The following BTBD10 variants were observed in gnomAD, a reference collection of about 807,000 sequenced individuals.
BTBD10 encodes BTB/POZ domain-containing protein 10.
In BTBD10, 21 loss-of-function variants were observed where a neutral mutation model predicts 53.2. That is an observed-to-expected ratio of 0.39 (90% CI 0.28 to 0.57). The LOEUF (loss-of-function observed/expected upper bound fraction) is 0.57. BTBD10 is among the 20% of genes least tolerant of loss of function. The pLI is 0.53. For synonymous variants in BTBD10, 149 were observed against 192.7 expected (o/e 0.77, Z 1.88); for missense variants, 360 against 594.7 (o/e 0.61, Z 4.10).
At chr11:13,446,521 T>C (rs535541143) in intron 1 of BTBD10, among the ~76,000 whole-genome samples, 5 of 152,216 alleles carry the variant, frequency 3.3e-5, no homozygotes, top group Middle Eastern at 6.8e-3. Flanking sequence ...ATATAATAAA[T>C]ACATAAATAA....
chr11:13,435,657 T>C (rs1342306946), intron 2 of BTBD10, among the ~76,000 whole-genome samples: 1 of 152,144 alleles, frequency 6.6e-6, no homozygotes, highest in Non-Finnish European at 1.5e-5. Context: ...CACACCTGGC[T>C]AATTTTTTGT....
At chr11:13,449,590 C>A (rs1056133667) in intron 1 of BTBD10, among the ~76,000 whole-genome samples, 2 of 152,254 alleles carry the variant, frequency 1.3e-5, no homozygotes, top group South Asian at 2.1e-4. Context: ...TAAAATCTTA[C>A]TCTTAGTCCA....
rs927729709 is a variant in BTBD10, at chr11:13,434,955, C to T, written c.101+10069G>A. Among the ~76,000 whole-genome samples, 3 of 152,308 alleles carry T rather than the reference C, an allele frequency of 2.0e-5. No homozygotes were observed. The East Asian group carries it at 5.8e-4, about 29-fold the overall frequency. Reference sequence around the variant, plus strand: ...ACTGGAAGAATGGAAGTTCCATTTACTGAATGCAAGTGAAAGTGAAAGGAC... The same window carrying T: ...ACTGGAAGAATGGAAGTTCCATTTATTGAATGCAAGTGAAAGTGAAAGGAC... On this transcript the variant is annotated intron_variant, in intron 2 of 8. Coordinates refer to ENST00000278174, the MANE Select transcript of BTBD10 (RefSeq NM_032320.7).
chr11:13,419,773 T>G (rs367791678), intron 3 of BTBD10, 28 bp from the exon 4 acceptor site: 39 of 1,495,674 alleles, frequency 2.6e-5, no homozygotes, highest in Non-Finnish European at 3.4e-5. Flanking sequence ...GACGAAGTTA[T>G]GCAAATTTTC....
At chr11:13,460,426 A>G (rs990184705) in intron 1 of BTBD10, among the ~76,000 whole-genome samples, 1 of 152,120 alleles carries the variant, frequency 6.6e-6, no homozygotes, top group African/African-American at 2.4e-5. Context: ...GACCTCTAGC[A>G]CTCCCATTCC....
chr11:13,457,900 G>A (rs1423749150), intron 1 of BTBD10, among the ~76,000 whole-genome samples: 1 of 152,058 alleles, frequency 6.6e-6, no homozygotes, highest in East Asian at 1.9e-4. Flanking sequence ...AATGTTCCCA[G>A]TTGCATGTAA....
At chr11:13,439,700 CAT>C (rs1257719382) in intron 2 of BTBD10, among the ~76,000 whole-genome samples, 5 of 152,048 alleles carry the variant, frequency 3.3e-5, no homozygotes, top group African/African-American at 1.2e-4. Context: ...ACAATAAAAA[CAT>C]ATTTCATTTA....
intron 2 of BTBD10, among the ~76,000 whole-genome samples, chr11:13,429,140 A>T (rs931208391): frequency 6.6e-6 from 1 of 152,118 alleles, no homozygotes; most frequent in Non-Finnish European, 1.5e-5. Context: ...CACACATTGG[A>T]AATTATAAAA....
chr11:13,389,722 C>T (rs372164456), intron 8 of BTBD10, among the ~76,000 whole-genome samples: 2 of 152,248 alleles, frequency 1.3e-5, no homozygotes, highest in East Asian at 3.8e-4. Context: ...CCATGCCGGC[C>T]TCTAGCTACG....
intron 2 of BTBD10, among the ~76,000 whole-genome samples, chr11:13,443,621 G>A (rs939685331): frequency 6.0e-5 from 9 of 150,562 alleles, no homozygotes; most frequent in African/African-American, 2.0e-4. Flanking sequence ...TTGAGACAGC[G>A]TCTCACTCTG....
At position 13,419,447 on chromosome 11, in the gene BTBD10, C is replaced by A; in HGVS notation, c.584+13G>T. 1 of 1,600,636 alleles carries A rather than the reference C, an allele frequency of 6.2e-7. No homozygotes were observed. The highest frequency in any genetic ancestry group is 1.1e-5 in the South Asian group (1 of 88,646). Reference sequence around the variant, plus strand: ...TTATAATTAGTAATGCAAATAACTGCAATAATACAAACCTGCCCAACATTG... The same window carrying A: ...TTATAATTAGTAATGCAAATAACTGAAATAATACAAACCTGCCCAACATTG... On this transcript the variant is annotated intron_variant, in intron 4 of 8. Coordinates refer to ENST00000278174, the MANE Select transcript of BTBD10 (RefSeq NM_032320.7).
chr11:13,413,113 A>G (rs1949999752), intron 6 of BTBD10, among the ~76,000 whole-genome samples: 1 of 152,146 alleles, frequency 6.6e-6, no homozygotes, highest in South Asian at 2.1e-4. Flanking sequence ...TGTTTTTGAG[A>G]ATTATTTGTG....
chr11:13,455,204 C>T (rs1950938274), intron 1 of BTBD10, among the ~76,000 whole-genome samples: 1 of 152,224 alleles, frequency 6.6e-6, no homozygotes, highest in African/African-American at 2.4e-5. Flanking sequence ...TGAGCCACTG[C>T]GCCCAGCCCT....
At chr11:13,432,893 G>GT (rs1950476844) in intron 2 of BTBD10, among the ~76,000 whole-genome samples, 1 of 151,964 alleles carries the variant, frequency 6.6e-6, no homozygotes, top group Non-Finnish European at 1.5e-5. Flanking sequence ...AGAGAACAGA[G>GT]AAAATAGAGG....
At chr11:13,406,849 A>G (rs1222672645) in intron 6 of BTBD10, among the ~76,000 whole-genome samples, 1 of 116,158 alleles carries the variant, frequency 8.6e-6, no homozygotes, top group Non-Finnish European at 2.1e-5. Flanking sequence ...AATATTACTT[A>G]GCCATGTCTC....
In BTBD10 at chr11:13,435,779, C is replaced by G. The variant is rs1203464298; in HGVS notation, c.101+9245G>C. 2.6e-5 allele frequency among the ~76,000 whole-genome samples: 4 copies of G among 152,322 alleles called. No individual in the cohort carries two copies. The East Asian group carries it at 7.7e-4, about 29-fold the overall frequency. On this transcript the variant is annotated intron_variant, in intron 2 of 8. Coordinates refer to ENST00000278174, the MANE Select transcript of BTBD10 (RefSeq NM_032320.7). Reference sequence around the variant, plus strand: ...GTGCTGGAATTACAGGCGTGAGCCACCACGCCCGGCCACAAAACAGATTTC... The same window carrying G: ...GTGCTGGAATTACAGGCGTGAGCCAGCACGCCCGGCCACAAAACAGATTTC...
chr11:13,433,091 G>A (rs997286723), intron 2 of BTBD10, among the ~76,000 whole-genome samples: 25 of 152,074 alleles, frequency 1.6e-4, no homozygotes, highest in African/African-American at 4.1e-4. Flanking sequence ...TTCCTGGCTC[G>A]TAACTCCTAC....
chr11:13,442,640 T>C (rs1392708678), intron 2 of BTBD10, among the ~76,000 whole-genome samples: 2 of 152,200 alleles, frequency 1.3e-5, no homozygotes, highest in African/African-American at 4.8e-5. Context: ...TAATTATTCT[T>C]TCTCTGAACT....
chr11:13,396,782 G>A (rs148843621), intron 8 of BTBD10, among the ~76,000 whole-genome samples: 1 of 152,252 alleles, frequency 6.6e-6, no homozygotes, highest in Non-Finnish European at 1.5e-5. Context: ...GGCCTTTTCT[G>A]CATCTATTGA....
Sources: gnomAD v4.1 joint callset for allele counts (sites outside exome capture counted in the v4.1 genomes callset) on GRCh38, gnomAD v4.1.1 for gene constraint, MANE v1.5 for transcripts, NCBI Gene and HGNC (gene_info 2026-07-23, HGNC 2026-07-21) for gene names.